AGTPBP1: variants seen among roughly 807,000 people sequenced by gnomAD.
AGTPBP1 encodes cytosolic carboxypeptidase 1.
AGTPBP1 carries 70 observed loss-of-function variants against 143.9 expected under a neutral mutation model. The ratio of observed to expected loss-of-function variants is 0.49; its 90% CI spans 0.40 to 0.59. The LOEUF (loss-of-function observed/expected upper bound fraction) is 0.59. AGTPBP1 is among the 20% of genes least tolerant of loss of function. The pLI is 0.00. For synonymous variants in AGTPBP1, 463 were observed against 500.2 expected, an observed-to-expected ratio of 0.93 and a Z score of 0.99; for missense variants, 1,229 against 1,464.5, an observed-to-expected ratio of 0.84 and a Z score of 2.62.
chr9:85,686,407 C>T (rs79110687), intron 3 of AGTPBP1, among the ~76,000 whole-genome samples: 2,556 of 152,114 alleles, frequency 0.017, 26 homozygotes, highest in Middle Eastern at 0.054. Flanking sequence ...CAGGAAGACA[C>T]AAAAATCATG....
At chr9:85,729,353 T>G (rs1838728139) in intron 1 of AGTPBP1, among the ~76,000 whole-genome samples, 1 of 152,154 alleles carries the variant, frequency 6.6e-6, no homozygotes, top group African/African-American at 2.4e-5. Context: ...CGCTACAACA[T>G]AAATGAACCT....
At chr9:85,581,489 G>A (rs1052846515) in intron 23 of AGTPBP1, among the ~76,000 whole-genome samples, 8 of 152,014 alleles carry the variant, frequency 5.3e-5, no homozygotes, top group Non-Finnish European at 8.8e-5. Context: ...ATACAAATAC[G>A]GTAACATAAT....
At chr9:85,647,116 A>G (rs958249969) in intron 11 of AGTPBP1, among the ~76,000 whole-genome samples, 5 of 152,148 alleles carry the variant, frequency 3.3e-5, no homozygotes, top group African/African-American at 9.7e-5. Flanking sequence ...TGTCTCTATT[A>G]AAAATACAAA....
At chr9:85,765,371 T>C in the AGTPBP1 span, among the ~76,000 whole-genome samples, 5 of 152,198 alleles carry the variant, frequency 3.3e-5, no homozygotes, top group African/African-American at 7.2e-5. Flanking sequence ...GAAACCTTGG[T>C]TTAAAAGGCC....
At chr9:85,584,509 G>A (rs1828479562) in intron 23 of AGTPBP1, among the ~76,000 whole-genome samples, 2 of 152,166 alleles carry the variant, frequency 1.3e-5, no homozygotes, top group Admixed American at 1.3e-4. Flanking sequence ...CACACTTGCT[G>A]ATAGTTAGAA....
chr9:85,573,077 C>T (rs1827617293), intron 25 of AGTPBP1, among the ~76,000 whole-genome samples: 1 of 151,912 alleles, frequency 6.6e-6, no homozygotes, highest in African/African-American at 2.4e-5. Context: ...ACTCCCTCTC[C>T]CTCTCCCTCT....
intron 25 of AGTPBP1, among the ~76,000 whole-genome samples, chr9:85,568,652 AG>A (rs1212871064): frequency 6.6e-6 from 1 of 152,230 alleles, no homozygotes; most frequent in Non-Finnish European, 1.5e-5. Flanking sequence ...ACCAGTCAGA[AG>A]GTTACTGGAG....
At chr9:85,647,491 G>T (rs1356087350) in intron 11 of AGTPBP1, among the ~76,000 whole-genome samples, 1 of 152,086 alleles carries the variant, frequency 6.6e-6, no homozygotes, top group African/African-American at 2.4e-5. Context: ...AATACTATGG[G>T]AAAATGAGGA....
the AGTPBP1 span, among the ~76,000 whole-genome samples, chr9:85,758,298 T>C: frequency 2.6e-5 from 4 of 152,172 alleles, no homozygotes; most frequent in African/African-American, 9.7e-5. Context: ...GATGACTATC[T>C]ATAAAGAACT....
intron 18 of AGTPBP1, 52 bp downstream of exon 18, chr9:85,596,310 T>C (rs1459746750): frequency 2.0e-5 from 26 of 1,275,734 alleles, no homozygotes; most frequent in Non-Finnish European, 2.9e-5. Flanking sequence ...AGGATGTACT[T>C]AATACTGCCT....
chr9:85,741,991 C>T, upstream of AGTPBP1: 1 of 1,215,764 alleles, frequency 8.2e-7, no homozygotes, highest in Non-Finnish European at 1.0e-6. Flanking sequence ...GGCGCCCCGC[C>T]CACCGCACGC....
chr9:85,769,874 C>T, the AGTPBP1 span, among the ~76,000 whole-genome samples: 5 of 152,290 alleles, frequency 3.3e-5, no homozygotes, highest in East Asian at 1.9e-4. Flanking sequence ...CTTTAGGGGT[C>T]ATGGAGGAGA....
chr9:85,626,568 T>C (rs1411144369), intron 14 of AGTPBP1, among the ~76,000 whole-genome samples: 1 of 152,212 alleles, frequency 6.6e-6, no homozygotes, highest in Non-Finnish European at 1.5e-5. Flanking sequence ...CAATGTATTT[T>C]TTAAAATAAG....
chr9:85,756,218 C>A, the AGTPBP1 span: 1 of 1,595,502 alleles, frequency 6.3e-7, no homozygotes, highest in Non-Finnish European at 8.5e-7. Flanking sequence ...GGAGAAGAGT[C>A]ACCTGGAAAA....
the AGTPBP1 span, among the ~76,000 whole-genome samples, chr9:85,801,260 C>T: frequency 4.6e-5 from 7 of 151,988 alleles, no homozygotes; most frequent in African/African-American, 9.7e-5. Flanking sequence ...TGCAGTGAGC[C>T]GAGACTGCAC....
At chr9:85,786,676 C>A in the AGTPBP1 span, 173,200 of 1,212,114 alleles carry the variant, frequency 0.14, 32,562 homozygotes, top group African/African-American at 0.51. Flanking sequence ...CTTTCCTCAG[C>A]ATAAAGGAAG....
the AGTPBP1 span, among the ~76,000 whole-genome samples, chr9:85,784,473 T>G: frequency 1.3e-5 from 2 of 152,096 alleles, no homozygotes; most frequent in South Asian, 4.1e-4. Flanking sequence ...AGTGGTACAT[T>G]CATGGCTCAC....
the AGTPBP1 span, among the ~76,000 whole-genome samples, chr9:85,762,432 T>C: frequency 1.3e-5 from 2 of 152,222 alleles, no homozygotes; most frequent in Non-Finnish European, 2.9e-5. Context: ...CATGGAATAC[T>C]ATGCAGGCAT....
In AGTPBP1 at chr9:85,678,704, C is replaced by T. The variant is rs765282810; in HGVS notation, c.226-306G>A. ...ATGAATCAAAATGTAAATGGCATTA[C>T]AATGTATGTCTGGTGACTACTCAAT... On this transcript the variant is annotated intron_variant, in intron 4 of 25. Transcript: ENST00000357081. 4.6e-4 allele frequency among the ~76,000 whole-genome samples: 70 copies of T among 152,292 alleles called. 1 individual carries two copies. The highest frequency in any genetic ancestry group is 2.0e-4 in the Admixed American group (3 of 15,296).
Sources: gnomAD v4.1 joint callset for allele counts (sites outside exome capture counted in the v4.1 genomes callset) on GRCh38, gnomAD v4.1.1 for gene constraint, MANE v1.5 for transcripts, NCBI Gene and HGNC (gene_info 2026-07-23, HGNC 2026-07-21) for gene names.